ISOC1: variants seen among roughly 807,000 people sequenced by gnomAD.
ISOC1 encodes the protein isochorismatase domain containing 1, also known as isochorismatase domain-containing protein 1.
Under a neutral mutation model 30.0 loss-of-function variants are expected in ISOC1, and 33 were observed. The observed-to-expected ratio is 1.10, with a 90% CI of 0.83 to 1.47. ISOC1 has a LOEUF of 1.47. Ranked by LOEUF, ISOC1 falls within the 40% of genes most tolerant of loss-of-function variation. The pLI, the probability that ISOC1 is intolerant of heterozygous loss-of-function variation, is 0.00. For synonymous variants in ISOC1, 178 were observed against 159.8 expected (o/e 1.11, Z -0.86); for missense variants, 372 against 388.0 (o/e 0.96, Z 0.35).
At chr5:129,099,855 A>G (rs1037987253) in intron 1 of ISOC1, among the ~76,000 whole-genome samples, 3 of 152,222 alleles carry the variant, frequency 2.0e-5, no homozygotes, top group African/African-American at 7.2e-5. Flanking sequence ...TATGATGTAG[A>G]TACTATTTTT....
At chr5:129,101,925 G>C (rs1311939019) in intron 1 of ISOC1, among the ~76,000 whole-genome samples, 3 of 152,156 alleles carry the variant, frequency 2.0e-5, no homozygotes, top group African/African-American at 7.2e-5. Flanking sequence ...TGATTCATTT[G>C]ATGTTTTTCT....
Position 129,105,213 on chromosome 5 carries a change from C to A in ISOC1, c.458C>A (p.Pro153His), listed in dbSNP as rs780201282. The A allele has an allele frequency of 1.9e-6, 3 of 1,613,476 alleles. No homozygotes were observed. In the Admixed American group the frequency reaches 5.0e-5, roughly 27 times the overall value. The change falls in exon 3 of 5, where the codon CCT becomes CAT. Residue 153 changes from proline (P) to histidine (H), a missense_variant. Pro to His is a moderately conservative substitution (Grantham distance 77, BLOSUM62 -2). Coordinates refer to ENST00000173527, the MANE Select transcript of ISOC1 (RefSeq NM_016048.2). ...LLQGARILGI[P>H]VIVTEQYPKG... ...CAAGGGGCCCGGATTTTAGGAATTC[C>A]TGTTATTGTAACAGAACAATACCCT...
chr5:129,109,116 C>T (rs762427745), intron 4 of ISOC1, among the ~76,000 whole-genome samples: 30 of 151,950 alleles, frequency 2.0e-4, no homozygotes, highest in Non-Finnish European at 3.1e-4. Flanking sequence ...TTTTGATTGG[C>T]AATTCTGTCT....
intron 4 of ISOC1, among the ~76,000 whole-genome samples, chr5:129,109,177 A>C (rs1244080080): frequency 1.3e-5 from 2 of 152,250 alleles, no homozygotes; most frequent in African/African-American, 4.8e-5. Flanking sequence ...CATTCTTTTT[A>C]GAGGCAATCT....
chr5:129,112,378 A>G (rs1187716836), intron 4 of ISOC1, among the ~76,000 whole-genome samples: 6 of 152,200 alleles, frequency 3.9e-5, no homozygotes, highest in African/African-American at 1.4e-4. Context: ...TAGTAGAAAT[A>G]GAAATAAAAG....
intron 1 of ISOC1, among the ~76,000 whole-genome samples, chr5:129,101,192 A>AAAAAAAAAT (rs1554064627): frequency 4.3e-4 from 18 of 42,224 alleles, no homozygotes; most frequent in Non-Finnish European, 4.3e-4. Context: ...AAAAAAAAAA[A>AAAAAAAAAT]ATATATATAT....
Position 129,113,767 on chromosome 5 carries a change from C to T in ISOC1, c.*766C>T, listed in dbSNP as rs1753740371. 6.6e-6 allele frequency: 1 copy of T among 152,164 alleles called. No homozygotes were observed. Among genetic ancestry groups the T allele is most frequent in the African/African-American group, 2.4e-5 (1 of 41,520 alleles). 9.4% of individuals were successfully genotyped at this position (152,164 alleles called of 1,614,324 possible). On this transcript the variant is annotated 3_prime_UTR_variant, in exon 5 of 5. Coordinates refer to ENST00000173527, the MANE Select transcript of ISOC1 (RefSeq NM_016048.2). Reference sequence around the variant, plus strand: ...ACATCTTGAATATATATTCTAGTGTCCACAAGATTTAGCAAAAAGATAAAG... The same window carrying T: ...ACATCTTGAATATATATTCTAGTGTTCACAAGATTTAGCAAAAAGATAAAG...
chr5:129,097,947 G>C (rs990113657), intron 1 of ISOC1, among the ~76,000 whole-genome samples: 1 of 152,068 alleles, frequency 6.6e-6, no homozygotes, highest in Non-Finnish European at 1.5e-5. Flanking sequence ...CCATGTTACT[G>C]GGGATGGTTG....
At chr5:129,095,132 C>A (rs1024868379) in intron 1 of ISOC1, 57 bp downstream of exon 1, 3 of 1,457,648 alleles carry the variant, frequency 2.1e-6, no homozygotes, top group Non-Finnish European at 1.8e-6. Flanking sequence ...CCGTCCCCGT[C>A]CCTGTCCCCG....
chr5:129,098,178 C>T (rs542510382), intron 1 of ISOC1, among the ~76,000 whole-genome samples: 2 of 152,294 alleles, frequency 1.3e-5, no homozygotes, highest in East Asian at 1.9e-4. Context: ...AACACAGTGG[C>T]TGCCTTTGCC....
At chr5:129,110,435 G>A (rs1347397898) in intron 4 of ISOC1, among the ~76,000 whole-genome samples, 2 of 152,124 alleles carry the variant, frequency 1.3e-5, no homozygotes, top group African/African-American at 4.8e-5. Context: ...TCTTTGGTTG[G>A]GAAAGGGCAG....
Position 129,113,013 on chromosome 5 carries a change from AACTGGTATGCT to A in ISOC1, c.*16_*26del, listed in dbSNP as rs1753731035. On this transcript the variant is annotated 3_prime_UTR_variant, in exon 5 of 5. Transcript: ENST00000173527. ...TTTCCAAAGTATAGGACATTTGAAG[AACTGGTATGCT>A]ACTCACTGGTGAAGGACAGTCAGGT... 6.2e-7 allele frequency: 1 copy of A among 1,607,638 alleles called. No homozygotes were observed. Among genetic ancestry groups the A allele is most frequent in the Admixed American group, 1.7e-5 (1 of 59,398 alleles).
intron 3 of ISOC1, among the ~76,000 whole-genome samples, chr5:129,106,564 T>G (rs960704957): frequency 2.6e-5 from 4 of 152,220 alleles, no homozygotes; most frequent in African/African-American, 7.2e-5. Flanking sequence ...ATTCTTCATG[T>G]TGGACACTTA....
In ISOC1 at chr5:129,113,046, A is replaced by C. The variant is rs1435291028; in HGVS notation, c.*45A>C. 1 of 1,544,046 alleles carries C rather than the reference A, an allele frequency of 6.5e-7. No individual in the cohort carries two copies. Among genetic ancestry groups the C allele is most frequent in the East Asian group, 2.3e-5 (1 of 43,722 alleles). ...TGCTACTCACTGGTGAAGGACAGTC[A>C]GGTGAAGGACTGTAAGCCCACACAA... On this transcript the variant is annotated 3_prime_UTR_variant, in exon 5 of 5. Coordinates refer to ENST00000173527, the MANE Select transcript of ISOC1 (RefSeq NM_016048.2).
intron 3 of ISOC1, among the ~76,000 whole-genome samples, chr5:129,106,692 A>G (rs1221137393): frequency 6.6e-6 from 1 of 152,202 alleles, no homozygotes; most frequent in Non-Finnish European, 1.5e-5. Context: ...GTAAAACTCT[A>G]AGAATATGTT....
intron 4 of ISOC1, among the ~76,000 whole-genome samples, chr5:129,111,248 C>T (rs1411124190): frequency 6.6e-6 from 1 of 151,966 alleles, no homozygotes; most frequent in South Asian, 2.1e-4. Flanking sequence ...GGCCCCCAAC[C>T]CCCCCATAAA....
In ISOC1 at chr5:129,106,993, A is replaced by T; in HGVS notation, c.681A>T (p.Gly227=). ...CTGCCCTGGAGCTAGTTGGCCGAGG[A>T]GTCGAGGTTCACATTGTTGCTGATG... ...QQTALELVGR[G]VEVHIVADAT... Residue 227 remains glycine (G), a synonymous_variant, in exon 4 of 5, where the codon GGA becomes GGT. Coordinates refer to ENST00000173527, the MANE Select transcript of ISOC1 (RefSeq NM_016048.2). The T allele has an allele frequency of 6.2e-7, 1 of 1,613,878 alleles. No homozygotes were observed. Among genetic ancestry groups the T allele is most frequent in the Non-Finnish European group, 8.5e-7 (1 of 1,179,836 alleles).
intron 4 of ISOC1, among the ~76,000 whole-genome samples, chr5:129,107,954 A>G (rs1753658840): frequency 6.6e-6 from 1 of 152,230 alleles, no homozygotes. Context: ...AAACTACCAC[A>G]TAATCTTGGG....
chr5:129,104,816 T>G, intron 1 of ISOC1, 140 bp from the exon 2 acceptor site: 1 of 743,074 alleles, frequency 1.3e-6, no homozygotes, highest in South Asian at 2.3e-5. Flanking sequence ...GTAATTCAGA[T>G]ACTTTTTTTG....
Sources: allele counts gnomAD v4.1 joint callset (sites outside exome capture counted in the v4.1 genomes callset), GRCh38; gene constraint gnomAD v4.1.1; transcripts MANE v1.5; gene names NCBI Gene and HGNC (gene_info 2026-07-23, HGNC 2026-07-21).